The following SASH1 variants were observed in gnomAD, a reference collection of about 807,000 sequenced individuals.
The protein encoded by SASH1 is SAM and SH3 domain-containing protein 1.
A neutral mutation model predicts 125.2 loss-of-function variants in SASH1; 44 were observed. The ratio of observed to expected loss-of-function variants is 0.35; its 90% confidence interval spans 0.28 to 0.45. SASH1 has a LOEUF of 0.45. SASH1 is among the 20% of genes least tolerant of loss of function. The pLI is 1.00. For missense variants in SASH1, 1,426 were observed against 1,614.5 expected, an observed-to-expected ratio of 0.88 and a Z score of 2.00; for synonymous variants, 639 against 649.1, an observed-to-expected ratio of 0.98 and a Z score of 0.24.
In SASH1 at chr6:148,529,740, C is replaced by A. The variant is rs532084918; in HGVS notation, c.1429-1786C>A. On this transcript the variant is annotated intron_variant, in intron 12 of 19. Transcript: ENST00000367467. This position sits in a 1 kb window ranked among gnomAD's most constrained non-coding sequence, Gnocchi z 4.2. ...CACATAAGTTAAGGAATAAAAGAAA[C>A]AACTGATCATTATAAATTTTCTGTA... is the stretch of plus-strand genomic sequence containing the variant. Among the ~76,000 whole-genome samples the A allele has an allele frequency of 6.6e-6, 1 of 151,914 alleles. No homozygotes were observed. The highest frequency in any genetic ancestry group is 1.5e-5 in the Non-Finnish European group (1 of 68,000).
At chr6:148,207,371 A>G in the SASH1 span, among the ~76,000 whole-genome samples, 1 of 152,168 alleles carries the variant, frequency 6.6e-6, no homozygotes, top group Admixed American at 6.5e-5. Flanking sequence ...TGGCTACCAC[A>G]CTGAACGGGG....
chr6:148,463,296 C>T (rs1287358391), intron 4 of SASH1, among the ~76,000 whole-genome samples: 2 of 152,042 alleles, frequency 1.3e-5, no homozygotes, highest in African/African-American at 2.4e-5. Context: ...AGGTGCTCTC[C>T]ACCACGCCTG....
chr6:148,284,207 G>A (rs1289133214), intron 1 of SASH1, among the ~76,000 whole-genome samples: 3 of 152,216 alleles, frequency 2.0e-5, no homozygotes, highest in Admixed American at 2.0e-4. Flanking sequence ...GGGAGGCCGA[G>A]GCGGGCAGAT....
At chr6:148,270,280 A>G (rs1415562105), upstream of SASH1, among the ~76,000 whole-genome samples, 3 of 152,166 alleles carry the variant, frequency 2.0e-5, no homozygotes, top group African/African-American at 7.2e-5. Context: ...AAACCACACT[A>G]TCCTCCACCC....
At chr6:148,531,732 C>A in intron 13 of SASH1, 71 bp downstream of exon 13, 1 of 1,268,440 alleles carries the variant, frequency 7.9e-7, no homozygotes, top group Non-Finnish European at 1.0e-6. Flanking sequence ...GCACTAGGTT[C>A]AGGCAATTTC....
At chr6:148,261,278 G>A in the SASH1 span, among the ~76,000 whole-genome samples, 3 of 152,150 alleles carry the variant, frequency 2.0e-5, no homozygotes, top group Non-Finnish European at 4.4e-5. Context: ...ATTGGAGGGA[G>A]TGGCTGTACC....
At chr6:148,429,647 G>A (rs544264001) in intron 2 of SASH1, among the ~76,000 whole-genome samples, 159 of 152,058 alleles carry the variant, frequency 1.0e-3, no homozygotes, top group African/African-American at 3.3e-3. Flanking sequence ...GGAGCCTCAG[G>A]CGGGAGGATC....
chr6:148,268,285 C>A (rs1395901286), upstream of SASH1, among the ~76,000 whole-genome samples: 1 of 152,130 alleles, frequency 6.6e-6, no homozygotes, highest in East Asian at 1.9e-4. Context: ...GAGAGCTGAC[C>A]TCCAGGTGGT....
intron 2 of SASH1, among the ~76,000 whole-genome samples, chr6:148,413,583 GAA>G (rs1224280682): frequency 6.6e-6 from 1 of 152,208 alleles, no homozygotes; most frequent in Non-Finnish European, 1.5e-5. Flanking sequence ...AGGAGTGAAA[GAA>G]ATGCATCCAG....
At chr6:148,249,489 G>T in the SASH1 span, among the ~76,000 whole-genome samples, 1 of 152,206 alleles carries the variant, frequency 6.6e-6, no homozygotes, top group African/African-American at 2.4e-5. Context: ...AGGAGCCAGG[G>T]TACCAAGGTA....
intron 2 of SASH1, among the ~76,000 whole-genome samples, chr6:148,408,567 C>T (rs1464569495): frequency 6.6e-6 from 1 of 152,164 alleles, no homozygotes; most frequent in Non-Finnish European, 1.5e-5. Flanking sequence ...TTTATACATT[C>T]TGGATATGAA....
intron 4 of SASH1, among the ~76,000 whole-genome samples, chr6:148,456,911 CA>C (rs1209065554): frequency 2.0e-5 from 2 of 99,318 alleles, no homozygotes; most frequent in Non-Finnish European, 4.7e-5. Context: ...ATAATGTAAA[CA>C]AAGGTACTTT....
chr6:148,495,383 T>G lies in SASH1; in HGVS notation c.729+7668T>G, dbSNP rs1481766241. Among the ~76,000 whole-genome samples, 1 of 152,256 alleles carries G rather than the reference T, an allele frequency of 6.6e-6. No individual in the cohort carries two copies. The highest frequency in any genetic ancestry group is 1.5e-5 in the Non-Finnish European group (1 of 68,038). ...AACCACTGTCGTCTTTTATAGAATC[T>G]GCTATTGTGAGCTCAACTCAAAATT... is the stretch of plus-strand genomic sequence containing the variant. On this transcript the variant is annotated intron_variant, in intron 8 of 19. Coordinates refer to ENST00000367467, the MANE Select transcript of SASH1 (RefSeq NM_015278.5). The surrounding 1 kb of genome is among the most constrained non-coding windows in gnomAD (Gnocchi z 4.0).
At chr6:148,531,762 C>A in intron 13 of SASH1, 101 bp downstream of exon 13, 1 of 991,106 alleles carries the variant, frequency 1.0e-6, no homozygotes, top group Non-Finnish European at 1.3e-6. Flanking sequence ...AAGACCAAGT[C>A]CTGCCCTTCA....
intron 1 of SASH1, among the ~76,000 whole-genome samples, chr6:148,383,588 A>G (rs751426481): frequency 3.3e-5 from 5 of 152,146 alleles, no homozygotes; most frequent in Non-Finnish European, 7.4e-5. Flanking sequence ...TCTGCATGCA[A>G]CAGATCACAT....
chr6:148,485,965 AC>A (rs143156149), intron 7 of SASH1, among the ~76,000 whole-genome samples: 36,736 of 152,052 alleles, frequency 0.24, 5,056 homozygotes, highest in Middle Eastern at 0.35. Flanking sequence ...ATTGTTTTGA[AC>A]CCCAGAGCTC....
intron 1 of SASH1, among the ~76,000 whole-genome samples, chr6:148,328,607 T>A (rs942341646): frequency 1.3e-5 from 2 of 149,398 alleles, no homozygotes; most frequent in African/African-American, 2.5e-5. Context: ...AAAAAAAAAA[T>A]AGTGGCAAGA....
At chr6:148,486,154 C>G (rs1232813175) in intron 7 of SASH1, among the ~76,000 whole-genome samples, 1 of 152,110 alleles carries the variant, frequency 6.6e-6, no homozygotes, top group Non-Finnish European at 1.5e-5. Flanking sequence ...GAGTTTTGCT[C>G]TTGTCGCCCG....
intron 4 of SASH1, among the ~76,000 whole-genome samples, chr6:148,464,802 G>T (rs1208244439): frequency 6.6e-6 from 1 of 152,118 alleles, no homozygotes; most frequent in Non-Finnish European, 1.5e-5. Flanking sequence ...AATTTGATGA[G>T]TTGGGGAGCC....
Sources: gnomAD v4.1 joint callset for allele counts (sites outside exome capture counted in the v4.1 genomes callset) on GRCh38, gnomAD v4.1.1 for gene constraint, Gnocchi (gnomAD v3.1) non-coding constraint, MANE v1.5 for transcripts, NCBI Gene and HGNC (gene_info 2026-07-23, HGNC 2026-07-21) for gene names.